The following WDHD1 variants were observed in gnomAD, a reference collection of about 807,000 sequenced individuals.
The protein encoded by WDHD1 is WD repeat and HMG-box DNA binding protein 1.
Under a neutral mutation model 135.4 loss-of-function variants are expected in WDHD1, and 111 were observed. The observed-to-expected ratio is 0.82, with a 90% CI of 0.70 to 0.96. The LOEUF (loss-of-function observed/expected upper bound fraction) is 0.96. WDHD1 is among the 40% of genes least tolerant of loss of function. The pLI is 0.00. For missense variants in WDHD1, 1,351 were observed against 1,336.3 expected, an observed-to-expected ratio of 1.01 and a Z score of -0.17; for synonymous variants, 434 against 439.0, an observed-to-expected ratio of 0.99 and a Z score of 0.14.
chr14:54,944,973 A>G (rs1199301455), intron 24 of WDHD1, among the ~76,000 whole-genome samples: 1 of 152,198 alleles, frequency 6.6e-6, no homozygotes, highest in Non-Finnish European at 1.5e-5. Flanking sequence ...TGTAAGGTCA[A>G]TTCAAAAGGA....
rs543962842 is a variant in WDHD1 at position 55,021,218 on chromosome 14, A to G, written c.77+5493T>C. On this transcript the variant is annotated intron_variant, in intron 2 of 25. Coordinates refer to ENST00000360586, the MANE Select transcript of WDHD1 (RefSeq NM_007086.4). ...CAGTGCTCATAACATAGAAGGGTCT[A>G]TGTTGTAAAATAAGTCAAAAGCAGT... Among the ~76,000 whole-genome samples the G allele has an allele frequency of 1.4e-4, 22 of 152,332 alleles. No individual in the cohort carries two copies. In the South Asian group the frequency reaches 2.3e-3, roughly 16 times the overall value.
In WDHD1 at chr14:54,982,837, C is replaced by A. The variant is rs1323869966; in HGVS notation, c.1907-1141G>T. Reference sequence around the variant, plus strand: ...TCTCCAAAAAGAGAAATATTTAAGTCCCCATGAGACAGAGATGACAGGTGA... The same window carrying A: ...TCTCCAAAAAGAGAAATATTTAAGTACCCATGAGACAGAGATGACAGGTGA... On this transcript the variant is annotated intron_variant, in intron 15 of 25. Transcript: ENST00000360586. Among the ~76,000 whole-genome samples the A allele has an allele frequency of 2.6e-5, 4 of 152,104 alleles. No individual in the cohort carries two copies. In the South Asian group the frequency reaches 6.2e-4, roughly 24 times the overall value.
In WDHD1 at chr14:54,955,521, T is replaced by G. The variant is rs757175747; in HGVS notation, c.3050+40A>C. On this transcript the variant is annotated intron_variant, in intron 24 of 25. Transcript: ENST00000360586. ...TTGTATTGCTGCTACTGTATACTTT[T>G]TACTTGGTCACTGCATGCTAAATTT... The G allele has an allele frequency of 4.8e-6, 7 of 1,464,808 alleles. No individual in the cohort carries two copies. The African/African-American group carries it at 1.0e-4, about 21-fold the overall frequency. 90.7% of individuals were successfully genotyped at this position (1,464,808 alleles called of 1,614,324 possible).
At chr14:55,005,655 C>T in intron 7 of WDHD1, 1 of 570,632 alleles carries the variant, frequency 1.8e-6, no homozygotes, top group Non-Finnish European at 3.3e-6. Context: ...ACATCCTCCT[C>T]CTTCATTTGC....
chr14:54,974,569 A>T (rs1379734833), intron 16 of WDHD1, among the ~76,000 whole-genome samples: 1 of 151,458 alleles, frequency 6.6e-6, no homozygotes, highest in Non-Finnish European at 1.5e-5. Context: ...TCACTCCTGT[A>T]ATATCCCAGC....
rs544681700 is a variant in WDHD1 at position 54,982,173 on chromosome 14, AT to A, written c.1907-478del. ...AGGCACCCGCCACCACGCCCAGCTA[AT>A]TTTTTTTTGTATTTTTAGTAGAGAC... On this transcript the variant is annotated intron_variant, in intron 15 of 25. Coordinates refer to ENST00000360586, the MANE Select transcript of WDHD1 (RefSeq NM_007086.4). Among the ~76,000 whole-genome samples, 19 of 150,356 alleles carry A rather than the reference AT, an allele frequency of 1.3e-4. 1 individual carries two copies. Among genetic ancestry groups the A allele is most frequent in the Admixed American group, 9.3e-4 (14 of 15,074 alleles).
At chr14:54,984,433 T>A (rs1050324789) in intron 15 of WDHD1, among the ~76,000 whole-genome samples, 1 of 152,154 alleles carries the variant, frequency 6.6e-6, no homozygotes, top group Non-Finnish European at 1.5e-5. Context: ...AGGTGGAGGT[T>A]GCAGTGAGCC....
chr14:54,949,230 T>G (rs1226882086), intron 24 of WDHD1, among the ~76,000 whole-genome samples: 1 of 152,142 alleles, frequency 6.6e-6, no homozygotes, highest in Non-Finnish European at 1.5e-5. Flanking sequence ...TTCGAACGCA[T>G]CGCAAAGGAG....
chr14:54,994,416 A>G (rs2041843313), intron 11 of WDHD1, among the ~76,000 whole-genome samples: 1 of 152,190 alleles, frequency 6.6e-6, no homozygotes, highest in Non-Finnish European at 1.5e-5. Flanking sequence ...AAATTTTCTA[A>G]TATTTCTAAA....
At chr14:55,002,997 A>C (rs962362905) in intron 7 of WDHD1, among the ~76,000 whole-genome samples, 12 of 152,194 alleles carry the variant, frequency 7.9e-5, no homozygotes, top group African/African-American at 2.9e-4. Flanking sequence ...GAAAAACAAG[A>C]AATGTATCTT....
intron 21 of WDHD1, among the ~76,000 whole-genome samples, chr14:54,957,874 A>T (rs2041185976): frequency 6.6e-6 from 1 of 152,216 alleles, no homozygotes; most frequent in Non-Finnish European, 1.5e-5. Context: ...CAGATCTTTT[A>T]TCTTCTGTTA....
chr14:55,006,636 CT>C (rs1355620088), intron 7 of WDHD1, among the ~76,000 whole-genome samples: 1 of 152,120 alleles, frequency 6.6e-6, no homozygotes, highest in Non-Finnish European at 1.5e-5. Context: ...TGTTGTCTAA[CT>C]GTATCAGTTA....
At chr14:54,984,648 A>G (rs140011673) in intron 15 of WDHD1, 75 bp downstream of exon 15, 1 of 1,225,460 alleles carries the variant, frequency 8.2e-7, no homozygotes, top group Non-Finnish European at 1.1e-6. Context: ...GAATAAAACA[A>G]TGAAATAATT....
At chr14:54,950,226 A>G (rs2041019373) in intron 24 of WDHD1, among the ~76,000 whole-genome samples, 1 of 152,222 alleles carries the variant, frequency 6.6e-6, no homozygotes, top group Non-Finnish European at 1.5e-5. Flanking sequence ...AAGACCCATC[A>G]GTGTGCTGTA....
In WDHD1 at chr14:54,989,085, G is replaced by A. The variant is rs145521075; in HGVS notation, c.1469C>T (p.Ala490Val). 1 of 1,613,644 alleles carries A rather than the reference G, an allele frequency of 6.2e-7. No homozygotes were observed. The highest frequency in any genetic ancestry group is 1.7e-5 in the Admixed American group (1 of 59,976). The part of the protein sequence containing the change: ...HLSNTLNYTI[A>V]DLSHEAILLA... ...CAAAATAGCTTCGTGGGAAAGATCTGCTATTGTATAATTCAAAGTGTTTGA... is the reference window on the plus strand; with the variant it reads ...CAAAATAGCTTCGTGGGAAAGATCTACTATTGTATAATTCAAAGTGTTTGA... Residue 490 changes from alanine (A) to valine (V), a missense_variant, in exon 13 of 26, where the codon GCA becomes GTA. Ala to Val is a moderately conservative substitution (Grantham distance 64). Transcript: ENST00000360586.
chr14:54,992,150 C>T (rs891346404), intron 11 of WDHD1, among the ~76,000 whole-genome samples: 5 of 151,482 alleles, frequency 3.3e-5, no homozygotes, highest in East Asian at 1.9e-4. Context: ...CCCATCTACT[C>T]GGGAGGCTGA....
intron 25 of WDHD1, among the ~76,000 whole-genome samples, chr14:54,943,599 T>A (rs2040872328): frequency 6.6e-6 from 1 of 152,180 alleles, no homozygotes; most frequent in African/African-American, 2.4e-5. Context: ...TGTATCACTA[T>A]GTTGTCTAGG....
chr14:54,986,184 A>G (rs959095176), intron 14 of WDHD1, among the ~76,000 whole-genome samples: 1 of 152,240 alleles, frequency 6.6e-6, no homozygotes, highest in African/African-American at 2.4e-5. Flanking sequence ...TCATGGAATC[A>G]ATTTTAATTT....
intron 10 of WDHD1, among the ~76,000 whole-genome samples, chr14:54,999,556 C>A (rs941299019): frequency 6.6e-6 from 1 of 152,174 alleles, no homozygotes; most frequent in Non-Finnish European, 1.5e-5. Flanking sequence ...TTTTGAGAAG[C>A]TGAAGTGAGT....
Sources: gnomAD v4.1 joint callset for allele counts (sites outside exome capture counted in the v4.1 genomes callset) on GRCh38, gnomAD v4.1.1 for gene constraint, MANE v1.5 for transcripts, NCBI Gene and HGNC (gene_info 2026-07-23, HGNC 2026-07-21) for gene names.